The following LPGAT1 variants were observed in gnomAD, a reference collection of about 807,000 sequenced individuals.
LPGAT1 encodes the protein lysophosphatidylglycerol acyltransferase 1, also known as acyl-CoA:lysophosphatidylglycerol acyltransferase 1.
A neutral mutation model predicts 47.5 loss-of-function variants in LPGAT1; 11 were observed. The ratio of observed to expected loss-of-function variants is 0.23; its 90% CI spans 0.15 to 0.38. The LOEUF is 0.38. LPGAT1 is among the 10% of genes least tolerant of loss of function. The pLI is 1.00. For missense variants in LPGAT1, 293 were observed against 439.0 expected, an observed-to-expected ratio of 0.67 and a Z score of 2.97; for synonymous variants, 138 against 144.2, an observed-to-expected ratio of 0.96 and a Z score of 0.31.
intron 2 of LPGAT1, among the ~76,000 whole-genome samples, chr1:211,796,800 GTTT>G (rs1404794219): frequency 2.0e-5 from 3 of 151,926 alleles, no homozygotes; most frequent in Non-Finnish European, 4.4e-5. Flanking sequence ...ATTATAAATG[GTTT>G]TTAATTTTCA....
chr1:211,748,362 G>C lies in LPGAT1; in HGVS notation c.*1537C>G, dbSNP rs1438874289. 2.4e-4 allele frequency: 36 copies of C among 152,186 alleles called. No homozygotes were observed. The highest frequency in any genetic ancestry group is 2.4e-3 in the Admixed American group (36 of 15,272). The allele number at this position is 152,186 out of a possible 1,614,324, so 9.4% of individuals were successfully genotyped here. On this transcript the variant is annotated 3_prime_UTR_variant, in exon 8 of 8. Transcript: ENST00000366997. ...ACAAATTTCTAAAAAATGTTTTCTAGAAATAGAAACTTGACTTTACCCTCT... is the reference window on the plus strand; with the variant it reads ...ACAAATTTCTAAAAAATGTTTTCTACAAATAGAAACTTGACTTTACCCTCT...
Position 211,828,967 on chromosome 1 carries a change from A to T in LPGAT1, c.238+92T>A. The stretch of plus-strand genomic sequence containing the variant: ...ATTTTTTTCAATAGTGAAGACATGA[A>T]AGCATCCTCAACCCAAAGTGTAATA... On this transcript the variant is annotated intron_variant, in intron 2 of 7. Transcript: ENST00000366997. 2 of 1,294,396 alleles carry T rather than the reference A, an allele frequency of 1.5e-6. 1 individual carries two copies. 80.2% of individuals were successfully genotyped at this position (1,294,396 alleles called of 1,614,324 possible).
chr1:211,761,114 T>A (rs1359502269), intron 6 of LPGAT1, among the ~76,000 whole-genome samples: 1 of 152,214 alleles, frequency 6.6e-6, no homozygotes, highest in Non-Finnish European at 1.5e-5. Flanking sequence ...ACTATTCTAT[T>A]TCTGCTTTGT....
Position 211,749,605 on chromosome 1 carries a change from G to A in LPGAT1, c.*294C>T. The A allele has an allele frequency of 3.1e-6, 1 of 319,238 alleles. No individual in the cohort carries two copies. The highest frequency in any genetic ancestry group is 9.0e-5 in the East Asian group (1 of 11,144). The allele number at this position is 319,238 out of a possible 1,614,324, so 19.8% of individuals were successfully genotyped here. A position where few individuals can be genotyped will look rare whatever the true frequency, so the allele number is the denominator to read the frequency against. On this transcript the variant is annotated 3_prime_UTR_variant, in exon 8 of 8. Coordinates refer to ENST00000366997, the MANE Select transcript of LPGAT1 (RefSeq NM_014873.3). ...GTGGCAACAGAATTTCTCTCAGATA[G>A]TCTTCTAGGATGATTTTATGATTTC...
chr1:211,759,672 T>C (rs1189243026), intron 6 of LPGAT1, among the ~76,000 whole-genome samples: 1 of 152,222 alleles, frequency 6.6e-6, no homozygotes, highest in Non-Finnish European at 1.5e-5. Flanking sequence ...TTCCTATGCA[T>C]AGATTAAGCT....
At chr1:211,760,186 G>A (rs1021354682) in intron 6 of LPGAT1, among the ~76,000 whole-genome samples, 32 of 152,338 alleles carry the variant, frequency 2.1e-4, no homozygotes, top group Middle Eastern at 3.4e-3. Context: ...CGGGCCGGGC[G>A]TGGTGGCTCA....
chr1:211,801,392 T>C (rs114307756), intron 2 of LPGAT1, among the ~76,000 whole-genome samples: 3,571 of 152,222 alleles, frequency 0.023, 64 homozygotes, highest in Non-Finnish European at 0.03. Context: ...CATCCAGTCA[T>C]TTCTCTTCAA....
At chr1:211,795,470 C>T (rs917756760) in intron 2 of LPGAT1, among the ~76,000 whole-genome samples, 4 of 152,216 alleles carry the variant, frequency 2.6e-5, no homozygotes, top group South Asian at 4.1e-4. Flanking sequence ...CAGGTTCAAG[C>T]GATTCTCCTG....
chr1:211,830,760 G>A lies in LPGAT1; in HGVS notation c.-215C>T. The A allele has an allele frequency of 2.6e-6, 3 of 1,157,480 alleles. No individual in the cohort carries two copies. The highest frequency in any genetic ancestry group is 1.6e-5 in the African/African-American group (1 of 61,716). 71.7% of individuals were successfully genotyped at this position (1,157,480 alleles called of 1,614,324 possible). A position where few individuals can be genotyped will look rare whatever the true frequency, so the allele number is the denominator to read the frequency against. ...CCAAGGGCCCGGCCGCGTTCGCCCG[G>A]ACTGGCGGGGAGGGGCGGCGGGAGG... On this transcript the variant is annotated 5_prime_UTR_variant, in exon 1 of 8. Coordinates refer to ENST00000366997, the MANE Select transcript of LPGAT1 (RefSeq NM_014873.3). The surrounding 1 kb of genome is among the most constrained non-coding windows in gnomAD (Gnocchi z 5.9).
chr1:211,760,334 A>G (rs1341876466), intron 6 of LPGAT1, among the ~76,000 whole-genome samples: 1 of 152,224 alleles, frequency 6.6e-6, no homozygotes, highest in Non-Finnish European at 1.5e-5. Context: ...ACATGCCTGT[A>G]GTCCCAGCAA....
chr1:211,752,792 C>A (rs1330710173), intron 6 of LPGAT1, among the ~76,000 whole-genome samples: 2 of 152,176 alleles, frequency 1.3e-5, no homozygotes, highest in African/African-American at 4.8e-5. Flanking sequence ...TACTGACTTC[C>A]AATTTTTGGA....
chr1:211,828,103 G>A (rs1032338018), intron 2 of LPGAT1, among the ~76,000 whole-genome samples: 2 of 152,172 alleles, frequency 1.3e-5, no homozygotes, highest in African/African-American at 4.8e-5. Context: ...GACCCTGGGA[G>A]TACCCCTCCT....
Position 211,765,100 on chromosome 1 carries a change from C to T in LPGAT1, c.854+13818G>A, listed in dbSNP as rs191993012. On this transcript the variant is annotated intron_variant, in intron 6 of 7. Coordinates refer to ENST00000366997, the MANE Select transcript of LPGAT1 (RefSeq NM_014873.3). ...GAGCAGAAGTGAACTCTCCGGTAAG[C>T]AAAATCTGACATTGGTTTCTCTGCT... 2.4e-3 allele frequency among the ~76,000 whole-genome samples: 363 copies of T among 152,286 alleles called. 1 individual carries two copies. The highest frequency in any genetic ancestry group is 4.1e-3 in the Non-Finnish European group (282 of 68,018).
intron 6 of LPGAT1, 102 bp from the exon 7 acceptor site, chr1:211,751,169 C>T: frequency 2.6e-6 from 2 of 764,786 alleles, no homozygotes; most frequent in Non-Finnish European, 4.2e-6. Flanking sequence ...ATTGTGTTGT[C>T]ATCTTTTGCT....
intron 6 of LPGAT1, among the ~76,000 whole-genome samples, chr1:211,777,396 A>G (rs912213114): frequency 1.3e-5 from 2 of 152,094 alleles, no homozygotes; most frequent in African/African-American, 2.4e-5. Flanking sequence ...ATATCTCCTC[A>G]CTTGTCCTTG....
At chr1:211,800,544 T>C (rs1659534267) in intron 2 of LPGAT1, among the ~76,000 whole-genome samples, 2 of 152,198 alleles carry the variant, frequency 1.3e-5, no homozygotes, top group Admixed American at 6.5e-5. Flanking sequence ...ACTTTCACTG[T>C]CATTAAGATT....
intron 2 of LPGAT1, among the ~76,000 whole-genome samples, chr1:211,797,650 T>A (rs1230154684): frequency 6.6e-6 from 1 of 152,204 alleles, no homozygotes; most frequent in Admixed American, 6.5e-5. Flanking sequence ...GCTATGCTCC[T>A]CAGATTATGC....
chr1:211,805,393 C>T (rs779191316), intron 2 of LPGAT1, among the ~76,000 whole-genome samples: 17 of 152,080 alleles, frequency 1.1e-4, no homozygotes, highest in East Asian at 5.8e-4. Flanking sequence ...TTATTGAATA[C>T]GGTACTAAAA....
chr1:211,793,897 C>T (rs1429345890), intron 2 of LPGAT1, among the ~76,000 whole-genome samples: 1 of 152,050 alleles, frequency 6.6e-6, no homozygotes, highest in Non-Finnish European at 1.5e-5. Context: ...AGTATAAACC[C>T]GTTAAAATAA....
Sources: gnomAD v4.1 joint callset for allele counts (sites outside exome capture counted in the v4.1 genomes callset) on GRCh38, gnomAD v4.1.1 for gene constraint, Gnocchi (gnomAD v3.1) non-coding constraint, MANE v1.5 for transcripts, NCBI Gene and HGNC (gene_info 2026-07-23, HGNC 2026-07-21) for gene names.